Variants in ATP2A1 observed in about 807,000 individuals in gnomAD.
The protein encoded by ATP2A1 is sarcoplasmic/endoplasmic reticulum calcium ATPase 1.
Under a neutral mutation model 109.5 loss-of-function variants are expected in ATP2A1, and 83 were observed. The observed-to-expected ratio is 0.76, with a 90% CI of 0.63 to 0.91. ATP2A1 has a LOEUF of 0.91. Ranked by LOEUF, ATP2A1 falls within the 40% of genes least tolerant of loss-of-function variation. The pLI, the probability that ATP2A1 is intolerant of heterozygous loss-of-function variation, is 0.00. For missense variants in ATP2A1, 1,101 were observed against 1,341.0 expected (o/e 0.82, Z 2.80); for synonymous variants, 505 against 537.6 (o/e 0.94, Z 0.84).
rs749372734 is a variant in ATP2A1, at chr16:28,898,046, GA to G, written c.1467del (p.Asp490ThrfsTer48). The part of the protein sequence containing the change: ...MKKEFTLEFS[R>X]DRKSMSVYCS... ...AAGGAATTCACCCTGGAGTTCTCCCGAGACAGAAAGTCCATGTCTGTCTATT... is the reference window on the plus strand; with the variant it reads ...AAGGAATTCACCCTGGAGTTCTCCCGGACAGAAAGTCCATGTCTGTCTATT... On this transcript the variant is annotated frameshift_variant, in exon 13 of 23. Coordinates refer to ENST00000395503, the MANE Select transcript of ATP2A1 (RefSeq NM_004320.6). LOFTEE classifies it high-confidence loss of function. The surrounding 1 kb of genome is among the most constrained non-coding windows in gnomAD (Gnocchi z 4.0). 6.2e-7 allele frequency: 1 copy of G among 1,614,108 alleles called. No homozygotes were observed. The highest frequency in any genetic ancestry group is 8.5e-7 in the Non-Finnish European group (1 of 1,180,002).
chr16:28,882,738 C>A, intron 5 of ATP2A1, 149 bp downstream of exon 5: 1 of 1,243,364 alleles, frequency 8.0e-7, no homozygotes, highest in Non-Finnish European at 1.1e-6. Context: ...CATCCCAGGC[C>A]ACTCCGGCCA....
intron 9 of ATP2A1, among the ~76,000 whole-genome samples, chr16:28,889,423 A>AT (rs994445064): frequency 8.6e-5 from 13 of 151,652 alleles, no homozygotes; most frequent in African/African-American, 3.2e-4. Context: ...CGCCTGGCTA[A>AT]TTTTTTTGCA....
chr16:28,882,930 C>T (rs1311001238), intron 5 of ATP2A1, among the ~76,000 whole-genome samples: 1 of 152,226 alleles, frequency 6.6e-6, no homozygotes, highest in Non-Finnish European at 1.5e-5. Flanking sequence ...CCCCTCCTTC[C>T]ACCCACCCCA....
chr16:28,903,009 C>T lies in ATP2A1; in HGVS notation c.2745-21C>T, dbSNP rs559777910. The T allele has an allele frequency of 6.8e-6, 11 of 1,611,142 alleles. No individual in the cohort carries two copies. In the Admixed American group the frequency reaches 1.3e-4, roughly 20 times the overall value. On this transcript the variant is annotated intron_variant, in intron 19 of 22. Coordinates refer to ENST00000395503, the MANE Select transcript of ATP2A1 (RefSeq NM_004320.6). This position sits in a 1 kb window ranked among gnomAD's most constrained non-coding sequence, Gnocchi z 5.6. ...CTCCTTCCTCCTCACTGTGCCTTCT[C>T]CCTCCCCTTCCCCTCTGCAGCCTGT...
chr16:28,891,853 G>A (rs955836156), intron 9 of ATP2A1, among the ~76,000 whole-genome samples: 3 of 151,796 alleles, frequency 2.0e-5, no homozygotes, highest in African/African-American at 7.3e-5. Context: ...CAGCCTGGGC[G>A]ACAGAGTGAG....
At chr16:28,891,222 G>A (rs1383726943) in intron 9 of ATP2A1, among the ~76,000 whole-genome samples, 2 of 151,962 alleles carry the variant, frequency 1.3e-5, no homozygotes, top group African/African-American at 4.8e-5. Flanking sequence ...CTTGAACCCA[G>A]GAGGTGGAGG....
chr16:28,882,390 C>T, intron 4 of ATP2A1, 61 bp from the exon 5 acceptor site: 1 of 1,597,318 alleles, frequency 6.3e-7, no homozygotes, highest in Non-Finnish European at 8.5e-7. Flanking sequence ...GTGCCAGGAG[C>T]CACAACTCCA....
intron 8 of ATP2A1, among the ~76,000 whole-genome samples, chr16:28,888,241 C>T (rs1004473978): frequency 5.3e-5 from 8 of 151,914 alleles, no homozygotes; most frequent in African/African-American, 1.9e-4. Context: ...CCATGTTGGC[C>T]AGGCTGGTCT....
Position 28,881,421 on chromosome 16 carries a change from T to G in ATP2A1, c.324+402T>G, listed in dbSNP as rs975345831. ...TGCTTCCTGGTTTGTTTTGTTTTGTTTTGTTTTTAGGTCATTTCCAAAGTG... is the reference window on the plus strand; with the variant it reads ...TGCTTCCTGGTTTGTTTTGTTTTGTGTTGTTTTTAGGTCATTTCCAAAGTG... On this transcript the variant is annotated intron_variant, in intron 4 of 22. Transcript: ENST00000395503. The G allele has an allele frequency of 1.7e-5, 5 of 293,926 alleles. No homozygotes were observed. In the Admixed American group the frequency reaches 2.4e-4, roughly 14 times the overall value. The allele number at this position is 293,926 out of a possible 1,614,324, so 18.2% of individuals were successfully genotyped here. A position where few individuals can be genotyped will look rare whatever the true frequency, so the allele number is the denominator to read the frequency against.
rs184560545 is a variant in ATP2A1, at chr16:28,898,307, G to T, written c.1620G>T (p.Pro540=). 3 of 1,614,226 alleles carry T rather than the reference G, an allele frequency of 1.9e-6. No individual in the cohort carries two copies. The highest frequency in any genetic ancestry group is 2.7e-5 in the African/African-American group (2 of 75,062). ...CCACCCGGGTGCCACTGACGGGGCC[G>T]GTGAAGGAAAAGATCATGGCGGTGA... is the stretch of plus-strand genomic sequence containing the variant. ...VGTTRVPLTG[P]VKEKIMAVIK... The change falls in exon 14 of 23, where the codon CCG becomes CCT. Residue 540 remains proline (P), a synonymous_variant. Transcript: ENST00000395503. The surrounding 1 kb of genome is among the most constrained non-coding windows in gnomAD (Gnocchi z 4.0).
At chr16:28,882,410 CTCCTGT>C in intron 4 of ATP2A1, 35 bp from the exon 5 acceptor site, 1 of 1,613,314 alleles carries the variant, frequency 6.2e-7, no homozygotes, top group African/African-American at 1.3e-5. Flanking sequence ...ATAACTCTGC[CTCCTGT>C]GTATAACCCT....
Position 28,904,138 on chromosome 16 carries a change from CCCT to C in ATP2A1, c.*38-38_*38-36del, listed in dbSNP as rs554771082. 1.1e-3 allele frequency: 1,794 copies of C among 1,562,468 alleles called. 10 individuals are homozygous for C. In the Middle Eastern group the frequency reaches 0.02, roughly 18 times the overall value. The stretch of plus-strand genomic sequence containing the variant: ...GATGCACCTGGGAGGGACCTCGCTG[CCCT>C]CCTGCCGCCTGCCTCATCCCTTCTC... On this transcript the variant is annotated intron_variant, in intron 22 of 22. Coordinates refer to ENST00000395503, the MANE Select transcript of ATP2A1 (RefSeq NM_004320.6).
In ATP2A1 at chr16:28,898,052, GA is replaced by G. The variant is rs1567488691; in HGVS notation, c.1475del (p.Lys492SerfsTer46). The G allele has an allele frequency of 6.2e-7, 1 of 1,614,210 alleles. No homozygotes were observed. The highest frequency in any genetic ancestry group is 8.5e-7 in the Non-Finnish European group (1 of 1,180,030). On this transcript the variant is annotated frameshift_variant, in exon 13 of 23. Transcript: ENST00000395503. LOFTEE classifies it high-confidence loss of function. The surrounding 1 kb of genome is among the most constrained non-coding windows in gnomAD (Gnocchi z 4.0). Reference protein sequence around the residue: ...KEFTLEFSRDRKSMSVYCSPA... With the variant: ...KEFTLEFSRDXKSMSVYCSPA... ...TTCACCCTGGAGTTCTCCCGAGACA[GA>G]AAGTCCATGTCTGTCTATTGCTCCC...
chr16:28,884,641 A>G lies in ATP2A1; in HGVS notation c.530A>G (p.Gln177Arg). ...AIKSTTLRVD[Q>R]SILTGESVSV... ...AAATCCACCACGCTGCGGGTTGACC[A>G]GTCCATCCTGACAGGTCTGCTGGCC... Residue 177 changes from glutamine (Q) to arginine (R), a missense_variant, in exon 6 of 23, where the codon CAG becomes CGG. By Grantham distance (43) the Gln-to-Arg change is conservative. Transcript: ENST00000395503. The G allele has an allele frequency of 6.2e-7, 1 of 1,612,704 alleles. No individual in the cohort carries two copies. The highest frequency in any genetic ancestry group is 1.7e-5 in the Admixed American group (1 of 59,976).
intron 6 of ATP2A1, among the ~76,000 whole-genome samples, chr16:28,885,344 G>A (rs1963588099): frequency 6.6e-6 from 1 of 151,792 alleles, no homozygotes; most frequent in Non-Finnish European, 1.5e-5. Flanking sequence ...AGCACTGCTT[G>A]ACATTTTCTT....
chr16:28,887,432 A>G lies in ATP2A1; in HGVS notation c.638A>G (p.Asn213Ser), dbSNP rs766749263. 8 of 1,613,934 alleles carry G rather than the reference A, an allele frequency of 5.0e-6. No individual in the cohort carries two copies. Among genetic ancestry groups the G allele is most frequent in the East Asian group, 2.2e-5 (1 of 44,884 alleles). ...DKKNMLFSGT[N>S]IAAGKALGIV... ...TCCTCTTTCCCTTCCCAGGGCACCA[A>G]CATTGCAGCCGGCAAGGCCTTGGGC... The change falls in exon 8 of 23, where the codon AAC becomes AGC. Residue 213 changes from asparagine (N) to serine (S), a missense_variant. Transcript: ENST00000395503.
At chr16:28,881,748 GCC>G in intron 4 of ATP2A1, 1 of 154,510 alleles carries the variant, frequency 6.5e-6, no homozygotes, top group Non-Finnish European at 1.4e-5. Flanking sequence ...GTTGCAGTGA[GCC>G]AAGATTGCAC....
Position 28,884,430 on chromosome 16 carries a change from C to T in ATP2A1, c.464-145C>T, listed in dbSNP as rs888958904. The T allele has an allele frequency of 1.6e-5, 12 of 759,386 alleles. No homozygotes were observed. In the African/African-American group the frequency reaches 1.9e-4, roughly 12 times the overall value. The allele number at this position is 759,386 out of a possible 1,614,324, so 47.0% of individuals were successfully genotyped here. ...GGGTTGCCAGCTTCAGGAGCTCAAG[C>T]CAAGGGCCTGATGCAAGCCCTGGGA... On this transcript the variant is annotated intron_variant, in intron 5 of 22. Coordinates refer to ENST00000395503, the MANE Select transcript of ATP2A1 (RefSeq NM_004320.6).
At chr16:28,895,477 CTCTT>C (rs1963895157) in intron 12 of ATP2A1, among the ~76,000 whole-genome samples, 1 of 152,098 alleles carries the variant, frequency 6.6e-6, no homozygotes, top group Non-Finnish European at 1.5e-5. Flanking sequence ...CCACATTTCT[CTCTT>C]TCTCTCTTTT....
Sources: allele counts gnomAD v4.1 joint callset (sites outside exome capture counted in the v4.1 genomes callset), GRCh38; gene constraint gnomAD v4.1.1; non-coding constraint Gnocchi (gnomAD v3.1); transcripts MANE v1.5; gene names NCBI Gene and HGNC (gene_info 2026-07-23, HGNC 2026-07-21).